OSMR: variants seen among roughly 807,000 people sequenced by gnomAD.
OSMR encodes oncostatin M receptor.
OSMR carries 81 observed loss-of-function variants against 99.9 expected under a neutral mutation model. The observed-to-expected ratio is 0.81, with a 90% CI of 0.68 to 0.97. The LOEUF is 0.97. Among genes scored for constraint, OSMR ranks in the 50% least tolerant of loss-of-function variants. OSMR has a pLI of 0.00. For synonymous variants in OSMR, 406 were observed against 410.4 expected (o/e 0.99, Z 0.13); for missense variants, 1,099 against 1,153.4 (o/e 0.95, Z 0.68).
intron 1 of OSMR, among the ~76,000 whole-genome samples, chr5:38,862,934 G>C (rs1741585094): frequency 6.6e-6 from 1 of 152,070 alleles, no homozygotes; most frequent in Non-Finnish European, 1.5e-5. Flanking sequence ...GGCCGAGGCT[G>C]GCGGATCAGT....
At chr5:38,897,837 A>G (rs1413506091) in intron 7 of OSMR, among the ~76,000 whole-genome samples, 1 of 152,114 alleles carries the variant, frequency 6.6e-6, no homozygotes, top group Non-Finnish European at 1.5e-5. Context: ...ATTTGTTTCA[A>G]GAAATTTTTC....
chr5:38,868,652 A>T (rs1312776022), intron 1 of OSMR, among the ~76,000 whole-genome samples: 3 of 152,182 alleles, frequency 2.0e-5, no homozygotes, highest in Admixed American at 6.5e-5. Flanking sequence ...TGTAAGTCCA[A>T]TTAAACCTCT....
At chr5:38,894,782 T>A (rs150976162) in intron 7 of OSMR, among the ~76,000 whole-genome samples, 6 of 152,218 alleles carry the variant, frequency 3.9e-5, no homozygotes, top group South Asian at 2.1e-4. Context: ...AACACCACAC[T>A]GACAGCATTA....
rs573722660 is a variant in OSMR, at chr5:38,853,774, A to T, written c.-14+7387A>T. On this transcript the variant is annotated intron_variant, in intron 1 of 17. Coordinates refer to ENST00000274276, the MANE Select transcript of OSMR (RefSeq NM_003999.3). ...TGCGTTTTTAAAAAATCAGTTATTC[A>T]TCAGCTAATTCAATTTTATAAATCA... is the stretch of plus-strand genomic sequence containing the variant. Among the ~76,000 whole-genome samples the T allele has an allele frequency of 5.3e-5, 8 of 152,340 alleles. No individual in the cohort carries two copies. The South Asian group carries it at 1.7e-3, about 32-fold the overall frequency.
rs1435379456 is a variant in OSMR, at chr5:38,933,312, A to G, written c.2808A>G (p.Pro936=). The change falls in exon 18 of 18, where the codon CCA becomes CCG. Residue 936 remains proline (P), a synonymous_variant. Coordinates refer to ENST00000274276, the MANE Select transcript of OSMR (RefSeq NM_003999.3). ...FGDKDSLPTN[P]VEAPHCSEYK... ...ACAAGGACAGTCTCCCAACAAACCC[A>G]GTAGAGGCACCACACTGTTCAGAGT... 3 of 1,614,210 alleles carry G rather than the reference A, an allele frequency of 1.9e-6. No individual in the cohort carries two copies. The highest frequency in any genetic ancestry group is 4.5e-5 in the East Asian group (2 of 44,886).
rs1184406238 is a variant in OSMR, at chr5:38,861,926, A to AC, written c.-13-7099dup. Among the ~76,000 whole-genome samples, 56 of 76,896 alleles carry AC rather than the reference A, an allele frequency of 7.3e-4. 1 individual carries two copies. The highest frequency in any genetic ancestry group is 2.7e-3 in the African/African-American group (52 of 19,484). 50.4% of individuals were successfully genotyped at this position (76,896 alleles called of 152,430 possible). A position where few individuals can be genotyped will look rare whatever the true frequency, so the allele number is the denominator to read the frequency against. Reference sequence around the variant, plus strand: ...GGGCGGCTGGCCGGGCGGGGGGCTGACCCCCCCACCTCCCACCCGGACGGG... The same window carrying AC: ...GGGCGGCTGGCCGGGCGGGGGGCTGACCCCCCCCACCTCCCACCCGGACGGG... On this transcript the variant is annotated intron_variant, in intron 1 of 17. Transcript: ENST00000274276.
rs904507514 is a variant in OSMR, at chr5:38,934,243, TCA to T, written c.*802_*803del. 2.9e-4 allele frequency: 44 copies of T among 152,756 alleles called. No homozygotes were observed. Among genetic ancestry groups the T allele is most frequent in the African/African-American group, 1.0e-3 (42 of 41,576 alleles). The allele number at this position is 152,756 out of a possible 1,614,324, so 9.5% of individuals were successfully genotyped here. On this transcript the variant is annotated 3_prime_UTR_variant, in exon 18 of 18. Coordinates refer to ENST00000274276, the MANE Select transcript of OSMR (RefSeq NM_003999.3). Reference sequence around the variant, plus strand: ...AGGAACGTATATCACATAATTCCAGTCACAGTTTTTGGTTCCTCTTTTCTTTC... The same window carrying T: ...AGGAACGTATATCACATAATTCCAGTCAGTTTTTGGTTCCTCTTTTCTTTC...
At chr5:38,927,609 CCCAGGAAA>C (rs1342345440) in intron 15 of OSMR, among the ~76,000 whole-genome samples, 1 of 152,166 alleles carries the variant, frequency 6.6e-6, no homozygotes, top group Admixed American at 6.5e-5. Flanking sequence ...CTGGGCTCAG[CCCAGGAAA>C]CCATTTTTCC....
intron 3 of OSMR, among the ~76,000 whole-genome samples, chr5:38,877,325 T>G (rs1561356566): frequency 6.6e-6 from 1 of 152,218 alleles, no homozygotes; most frequent in Non-Finnish European, 1.5e-5. Context: ...TCACTAATTT[T>G]AACATCTTCA....
intron 7 of OSMR, among the ~76,000 whole-genome samples, chr5:38,890,201 G>T (rs1458297418): frequency 6.6e-6 from 1 of 152,152 alleles, no homozygotes; most frequent in East Asian, 1.9e-4. Flanking sequence ...GTGGTCTATG[G>T]ACCAGAAGCA....
At chr5:38,859,542 G>C (rs980008239) in intron 1 of OSMR, among the ~76,000 whole-genome samples, 3 of 152,102 alleles carry the variant, frequency 2.0e-5, no homozygotes, top group Non-Finnish European at 4.4e-5. Flanking sequence ...TGAGGTCTCA[G>C]CTTTGTTCTT....
At chr5:38,907,021 T>C (rs750004075) in intron 9 of OSMR, among the ~76,000 whole-genome samples, 1 of 152,170 alleles carries the variant, frequency 6.6e-6, no homozygotes, top group Non-Finnish European at 1.5e-5. Flanking sequence ...GAAATCATAT[T>C]TAAAAAATAG....
chr5:38,869,044 G>A lies in OSMR; in HGVS notation c.-1G>A, dbSNP rs916171683. On this transcript the variant is annotated 5_prime_UTR_variant, in exon 2 of 18. Coordinates refer to ENST00000274276, the MANE Select transcript of OSMR (RefSeq NM_003999.3). ...TTATCTTTTTCAGAAAACCAGAACT[G>A]ATGGCTCTATTTGCAGTCTTTCAGA... 1 of 1,613,506 alleles carries A rather than the reference G, an allele frequency of 6.2e-7. No homozygotes were observed. The highest frequency in any genetic ancestry group is 8.5e-7 in the Non-Finnish European group (1 of 1,179,658).
At chr5:38,902,715 A>T (rs535178382) in intron 7 of OSMR, among the ~76,000 whole-genome samples, 1 of 152,160 alleles carries the variant, frequency 6.6e-6, no homozygotes, top group African/African-American at 2.4e-5. Flanking sequence ...GCTTATGTCT[A>T]TGTGTGTCCT....
At position 38,932,536 on chromosome 5, in the gene OSMR, G is replaced by A; in HGVS notation, c.2367+1G>A. 1 of 1,612,424 alleles carries A rather than the reference G, an allele frequency of 6.2e-7. No homozygotes were observed. The highest frequency in any genetic ancestry group is 8.5e-7 in the Non-Finnish European group (1 of 1,178,536). On this transcript the variant is annotated splice_donor_variant, in intron 17 of 17. Transcript: ENST00000274276. LOFTEE classifies it high-confidence loss of function. ...CATCCTGTCATTAATAAAATTCAAG[G>A]TAAATGTTGGCAAATTGTATGTATA...
At chr5:38,938,428 C>T (rs1363721747), downstream of OSMR, 1 of 231,188 alleles carries the variant, frequency 4.3e-6, no homozygotes, top group African/African-American at 2.2e-5. Flanking sequence ...CAAGACTTTG[C>T]ATTTTGTGCT....
At chr5:38,918,287 G>T (rs1235809531) in intron 10 of OSMR, among the ~76,000 whole-genome samples, 1 of 152,154 alleles carries the variant, frequency 6.6e-6, no homozygotes, top group Admixed American at 6.5e-5. Context: ...TGGTACACAT[G>T]CCAGGGGAGG....
intron 1 of OSMR, among the ~76,000 whole-genome samples, chr5:38,860,734 A>G (rs1741222359): frequency 6.6e-6 from 1 of 152,292 alleles, no homozygotes. Flanking sequence ...GTGCAATGGC[A>G]CAATCTTGGC....
At chr5:38,926,601 G>A (rs1746486982) in intron 15 of OSMR, among the ~76,000 whole-genome samples, 1 of 152,154 alleles carries the variant, frequency 6.6e-6, no homozygotes, top group South Asian at 2.1e-4. Flanking sequence ...CAGCATGGGG[G>A]TAACTGCCAC....
Sources: allele counts gnomAD v4.1 joint callset (sites outside exome capture counted in the v4.1 genomes callset), GRCh38; gene constraint gnomAD v4.1.1; transcripts MANE v1.5; gene names NCBI Gene and HGNC (gene_info 2026-07-23, HGNC 2026-07-21).